SEMA4D: variants seen among roughly 807,000 people sequenced by gnomAD.
SEMA4D encodes semaphorin-4D.
SEMA4D carries 22 observed loss-of-function variants against 74.8 expected under a neutral mutation model. That is an observed-to-expected ratio of 0.29 (90% CI 0.21 to 0.42). The LOEUF (loss-of-function observed/expected upper bound fraction) is 0.42. SEMA4D is among the 10% of genes least tolerant of loss of function. SEMA4D has a pLI of 1.00. For synonymous variants in SEMA4D, 445 were observed against 463.7 expected (o/e 0.96, Z 0.52); for missense variants, 937 against 1,118.4 (o/e 0.84, Z 2.31).
Position 89,431,497 on chromosome 9 carries a change from G to T in SEMA4D, c.-244+24391C>A, listed in dbSNP as rs539681801. On this transcript the variant is annotated intron_variant, in intron 2 of 15. Transcript: ENST00000422704. ...CTCCCAAACAAGAGCAGTTTCCCTA[G>T]ATTCTCTTTTGTTTTTTGGAGACAG... Among the ~76,000 whole-genome samples, 150 of 152,270 alleles carry T rather than the reference G, an allele frequency of 9.9e-4. 1 individual carries two copies. The highest frequency in any genetic ancestry group is 3.4e-3 in the Middle Eastern group (1 of 294).
At chr9:89,437,191 G>A (rs1850632653) in intron 2 of SEMA4D, among the ~76,000 whole-genome samples, 1 of 152,334 alleles carries the variant, frequency 6.6e-6, no homozygotes, top group Admixed American at 6.5e-5. Context: ...CTGCGGGCCA[G>A]CATGCCCACC....
chr9:89,384,358 C>A (rs1837916776), intron 13 of SEMA4D, among the ~76,000 whole-genome samples: 2 of 152,184 alleles, frequency 1.3e-5, no homozygotes, highest in African/African-American at 4.8e-5. Flanking sequence ...AGGGAGGAAC[C>A]TTGAGGACTT....
intron 12 of SEMA4D, chr9:89,386,812 G>A (rs1486567136): frequency 5.1e-5 from 15 of 293,068 alleles, no homozygotes; most frequent in South Asian, 4.0e-4. Flanking sequence ...ACCAGCCCTC[G>A]GGGTGTCACT....
intron 2 of SEMA4D, among the ~76,000 whole-genome samples, chr9:89,434,419 TTC>T (rs1255663170): frequency 6.6e-6 from 1 of 152,230 alleles, no homozygotes; most frequent in Non-Finnish European, 1.5e-5. Flanking sequence ...GGTTTTCACT[TTC>T]TTTCATGAAG....
intron 2 of SEMA4D, among the ~76,000 whole-genome samples, chr9:89,432,060 A>G (rs890507739): frequency 6.6e-6 from 1 of 152,164 alleles, no homozygotes; most frequent in Non-Finnish European, 1.5e-5. Flanking sequence ...CAGGAGAGGC[A>G]TATTTACATG....
intron 2 of SEMA4D, among the ~76,000 whole-genome samples, chr9:89,452,086 G>A (rs1054889076): frequency 6.6e-6 from 1 of 152,046 alleles, no homozygotes; most frequent in Non-Finnish European, 1.5e-5. Flanking sequence ...GAAGCTTCTG[G>A]TTACTATAAA....
At chr9:89,451,874 T>C (rs138595350) in intron 2 of SEMA4D, among the ~76,000 whole-genome samples, 5 of 152,348 alleles carry the variant, frequency 3.3e-5, no homozygotes, top group African/African-American at 7.2e-5. Context: ...AACAAGGTAG[T>C]GCATCTTGCC....
At chr9:89,406,707 A>G (rs1843392721) in intron 2 of SEMA4D, among the ~76,000 whole-genome samples, 2 of 152,136 alleles carry the variant, frequency 1.3e-5, no homozygotes, top group African/African-American at 4.8e-5. Flanking sequence ...CAAAACAGCA[A>G]CCTGGGATCC....
chr9:89,404,899 C>T lies in SEMA4D; in HGVS notation c.106+452G>A, dbSNP rs543355713. Reference sequence around the variant, plus strand: ...TCCCCATCCCATCCCCAGTCACCCGCCTCAGCATCCCAGGAATTGGGGTCC... The same window carrying T: ...TCCCCATCCCATCCCCAGTCACCCGTCTCAGCATCCCAGGAATTGGGGTCC... On this transcript the variant is annotated intron_variant, in intron 3 of 15. Coordinates refer to ENST00000422704, the MANE Select transcript of SEMA4D (RefSeq NM_001371194.2). 3.8e-5 allele frequency among the ~76,000 whole-genome samples: 5 copies of T among 131,054 alleles called. No individual in the cohort carries two copies. In the South Asian group the frequency reaches 1.2e-3, roughly 32 times the overall value. The allele number at this position is 131,054 out of a possible 152,430, so 86.0% of individuals were successfully genotyped here.
chr9:89,459,448 G>GA (rs1191463114), intron 1 of SEMA4D, among the ~76,000 whole-genome samples: 1 of 152,222 alleles, frequency 6.6e-6, no homozygotes, highest in East Asian at 1.9e-4. Flanking sequence ...AGGACGCAAA[G>GA]AAACAACTGG....
chr9:89,388,659 C>G lies in SEMA4D; in HGVS notation c.1084G>C (p.Val362Leu). The change falls in exon 11 of 16, where the codon GTA becomes CTA. Residue 362 changes from valine (V) to leucine (L), a missense_variant. Physicochemically the swap from Val to Leu is conservative, Grantham distance 32. Coordinates refer to ENST00000422704, the MANE Select transcript of SEMA4D (RefSeq NM_001371194.2). ...ACCGCTCCAGGCCGCGGCTTGGGTA[C>G]CGGGCCATTATAGCGCACCCACTTG... The part of the protein sequence containing the change: ...HTKWVRYNGP[V>L]PKPRPGACID... 6 of 1,601,924 alleles carry G rather than the reference C, an allele frequency of 3.7e-6. No individual in the cohort carries two copies. The highest frequency in any genetic ancestry group is 5.1e-6 in the Non-Finnish European group (6 of 1,178,100).
chr9:89,392,976 G>A (rs1439349796), intron 7 of SEMA4D, among the ~76,000 whole-genome samples: 1 of 152,156 alleles, frequency 6.6e-6, no homozygotes, highest in East Asian at 1.9e-4. Context: ...ATCGAGGCAT[G>A]AGCCACTGAG....
intron 1 of SEMA4D, among the ~76,000 whole-genome samples, chr9:89,474,859 C>G (rs1173252222): frequency 6.6e-6 from 1 of 152,260 alleles, no homozygotes; most frequent in Non-Finnish European, 1.5e-5. Context: ...AGGTCTGTGA[C>G]TGTCAGCCCC....
chr9:89,449,892 G>A, intron 2 of SEMA4D: 3 of 1,469,278 alleles, frequency 2.0e-6, no homozygotes, highest in East Asian at 4.5e-5. Context: ...TGACCTTGGG[G>A]TCCATGTGAA....
intron 2 of SEMA4D, among the ~76,000 whole-genome samples, chr9:89,441,672 G>A (rs1337213770): frequency 6.6e-6 from 1 of 152,198 alleles, no homozygotes; most frequent in African/African-American, 2.4e-5. Flanking sequence ...GGACCTGCCT[G>A]GAGGCTGTGG....
intron 3 of SEMA4D, among the ~76,000 whole-genome samples, chr9:89,404,628 G>A (rs1193917493): frequency 1.4e-5 from 2 of 146,970 alleles, no homozygotes; most frequent in African/African-American, 5.0e-5. Flanking sequence ...ATCCCAGGAA[G>A]TGGAGTCCCC....
intron 2 of SEMA4D, among the ~76,000 whole-genome samples, chr9:89,412,900 A>G (rs1844841270): frequency 6.6e-6 from 1 of 152,158 alleles, no homozygotes; most frequent in African/African-American, 2.4e-5. Context: ...AGCAAAGCAC[A>G]CACCACAACT....
At chr9:89,460,886 C>T (rs1197943367) in intron 1 of SEMA4D, among the ~76,000 whole-genome samples, 1 of 152,228 alleles carries the variant, frequency 6.6e-6, no homozygotes, top group Non-Finnish European at 1.5e-5. Context: ...GACACCTAGC[C>T]TCATATGTGG....
chr9:89,363,552 G>C, intron 17 of SEMA4D: 1 of 1,613,418 alleles, frequency 6.2e-7, no homozygotes, highest in Non-Finnish European at 8.5e-7. Context: ...GGGTCCCCAG[G>C]TCAAAGCTCT....
Sources: gnomAD v4.1 joint callset for allele counts (sites outside exome capture counted in the v4.1 genomes callset) on GRCh38, gnomAD v4.1.1 for gene constraint, MANE v1.5 for transcripts, NCBI Gene and HGNC (gene_info 2026-07-23, HGNC 2026-07-21) for gene names.